Variants in MORN5 observed in about 807,000 individuals in gnomAD.
MORN5 encodes MORN repeat-containing protein 5.
In MORN5, 21 loss-of-function variants were observed where a neutral mutation model predicts 22.1. That is an observed-to-expected ratio of 0.95 (90% confidence interval 0.67 to 1.37). The LOEUF (loss-of-function observed/expected upper bound fraction) is 1.37. Among genes scored for constraint, MORN5 ranks in the 40% most tolerant of loss-of-function variants. The pLI, the probability that MORN5 is intolerant of heterozygous loss-of-function variation, is 0.00. For missense variants in MORN5, 211 were observed against 215.1 expected (o/e 0.98, Z 0.12); for synonymous variants, 73 against 74.0 (o/e 0.99, Z 0.07).
chr9:122,198,165 T>C (rs2118794011), intron 4 of MORN5, among the ~76,000 whole-genome samples: 1 of 152,156 alleles, frequency 6.6e-6, no homozygotes, highest in East Asian at 1.9e-4. Flanking sequence ...GTTACAAAGA[T>C]CCAATGAGAC....
intron 4 of MORN5, among the ~76,000 whole-genome samples, chr9:122,193,706 G>C (rs1829824991): frequency 6.6e-6 from 1 of 152,234 alleles, no homozygotes; most frequent in African/African-American, 2.4e-5. Flanking sequence ...AAAGTACCTT[G>C]GGTCTCTGTT....
intron 2 of MORN5, among the ~76,000 whole-genome samples, chr9:122,168,695 G>A (rs1311130934): frequency 6.6e-6 from 1 of 152,176 alleles, no homozygotes; most frequent in Non-Finnish European, 1.5e-5. Context: ...AAGGGCCGTG[G>A]CTGATGGCTC....
intron 3 of MORN5, among the ~76,000 whole-genome samples, chr9:122,172,709 G>A (rs538585521): frequency 6.6e-6 from 1 of 152,270 alleles, no homozygotes; most frequent in South Asian, 2.1e-4. Context: ...AGCAACATGA[G>A]GGCAGGGCCC....
chr9:122,184,693 A>G (rs1359323881), intron 4 of MORN5, among the ~76,000 whole-genome samples: 1 of 152,098 alleles, frequency 6.6e-6, no homozygotes, highest in African/African-American at 2.4e-5. Context: ...ATTTTATTTC[A>G]TTTTATTTAA....
intron 1 of MORN5, among the ~76,000 whole-genome samples, chr9:122,166,246 T>C (rs1829277623): frequency 6.6e-6 from 1 of 151,426 alleles, no homozygotes; most frequent in African/African-American, 2.5e-5. Context: ...GAGATTTGGG[T>C]GGGGACACAG....
intron 1 of MORN5, among the ~76,000 whole-genome samples, chr9:122,162,836 G>A (rs1829222550): frequency 6.6e-6 from 1 of 152,182 alleles, no homozygotes; most frequent in Admixed American, 6.5e-5. Context: ...CAGGGGCAAG[G>A]AGGAAGTATT....
At chr9:122,178,757 A>G (rs895053127) in intron 4 of MORN5, among the ~76,000 whole-genome samples, 1 of 152,166 alleles carries the variant, frequency 6.6e-6, no homozygotes, top group African/African-American at 2.4e-5. Context: ...GAAGGGTCCA[A>G]ACCCTTAGTG....
At chr9:122,188,538 C>T (rs574853289) in intron 4 of MORN5, among the ~76,000 whole-genome samples, 1 of 152,358 alleles carries the variant, frequency 6.6e-6, no homozygotes, top group Admixed American at 6.5e-5. Context: ...TTCGGTCCAT[C>T]GTCCACTTGC....
rs780288554 is a variant in MORN5, at chr9:122,166,802, G to A, written c.82G>A (p.Glu28Lys). Residue 28 changes from glutamate to lysine, a missense_variant, in exon 2 of 5, where the codon GAA becomes AAA. Coordinates refer to ENST00000373764, the MANE Select transcript of MORN5 (RefSeq NM_198469.4). ...CAAAGCCAAGTACATCCTCCCTACC[G>A]AAACAATATATGTTGGGGAAATGAA... Reference protein sequence around the residue: ...EGKAKYILPTETIYVGEMKDG... With the variant: ...EGKAKYILPTKTIYVGEMKDG... 67 of 1,613,600 alleles carry A rather than the reference G, an allele frequency of 4.2e-5. No individual in the cohort carries two copies. Among genetic ancestry groups the A allele is most frequent in the Middle Eastern group, 3.3e-4 (2 of 6,082 alleles).
chr9:122,186,512 A>C (rs975662682), intron 4 of MORN5, among the ~76,000 whole-genome samples: 1 of 152,180 alleles, frequency 6.6e-6, no homozygotes, highest in Non-Finnish European at 1.5e-5. Flanking sequence ...CCATCCATAC[A>C]GCCCTGTCAG....
chr9:122,165,459 C>A (rs1386453318), intron 1 of MORN5, among the ~76,000 whole-genome samples: 1 of 150,372 alleles, frequency 6.7e-6, no homozygotes, highest in African/African-American at 2.5e-5. Context: ...CCTGTGGTTC[C>A]AACTACTTGG....
intron 4 of MORN5, among the ~76,000 whole-genome samples, chr9:122,183,490 G>T (rs112664468): frequency 6.6e-6 from 1 of 152,120 alleles, no homozygotes; most frequent in Admixed American, 6.5e-5. Context: ...AAAAACCCTC[G>T]TAACCATTTT....
At position 122,166,788 on chromosome 9, in the gene MORN5, A is replaced by C; in HGVS notation, c.68A>C (p.Tyr23Ser). The C allele has an allele frequency of 6.2e-7, 1 of 1,613,792 alleles. No homozygotes were observed. Among genetic ancestry groups the C allele is most frequent in the South Asian group, 1.1e-5 (1 of 90,994 alleles). ...VDGRMEGKAK[Y>S]ILPTETIYVG... ...TACAGGATGGAGGGCAAAGCCAAGT[A>C]CATCCTCCCTACCGAAACAATATAT... Residue 23 changes from tyrosine (Y) to serine (S), a missense_variant, in exon 2 of 5, where the codon TAC (tyrosine) becomes TCC (serine). Transcript: ENST00000373764.
At chr9:122,163,268 T>C (rs1829229229) in intron 1 of MORN5, among the ~76,000 whole-genome samples, 1 of 152,160 alleles carries the variant, frequency 6.6e-6, no homozygotes, top group Non-Finnish European at 1.5e-5. Context: ...CAGGGACTCT[T>C]TGAGATAGAT....
intron 4 of MORN5, among the ~76,000 whole-genome samples, chr9:122,195,637 C>T (rs1250969770): frequency 6.6e-6 from 1 of 152,162 alleles, no homozygotes; most frequent in Non-Finnish European, 1.5e-5. Context: ...AGGGTCCAGA[C>T]TGTCACCACG....
chr9:122,174,856 A>G, intron 4 of MORN5: 7 of 1,350,996 alleles, frequency 5.2e-6, no homozygotes, highest in Non-Finnish European at 6.7e-6. Context: ...GTGACGGCAC[A>G]TAAATGTCGC....
chr9:122,169,933 G>A (rs1295117354), intron 3 of MORN5, among the ~76,000 whole-genome samples, 177 bp downstream of exon 3: 1 of 152,172 alleles, frequency 6.6e-6, no homozygotes, highest in Non-Finnish European at 1.5e-5. Flanking sequence ...TCATATCTCA[G>A]CTCCACTGTG....
intron 3 of MORN5, among the ~76,000 whole-genome samples, chr9:122,173,777 G>A (rs751062682): frequency 3.3e-5 from 5 of 152,160 alleles, no homozygotes; most frequent in Non-Finnish European, 7.4e-5. Context: ...CTCCCCTGAT[G>A]TTGGCAGCTG....
chr9:122,167,030 T>A, intron 2 of MORN5, 115 bp downstream of exon 2: 1 of 921,270 alleles, frequency 1.1e-6, no homozygotes, highest in Non-Finnish European at 1.5e-6. Flanking sequence ...TTCACTCTTC[T>A]CTTTGCTTCT....
Sources: gnomAD v4.1 joint callset for allele counts (sites outside exome capture counted in the v4.1 genomes callset) on GRCh38, gnomAD v4.1.1 for gene constraint, MANE v1.5 for transcripts, NCBI Gene and HGNC (gene_info 2026-07-23, HGNC 2026-07-21) for gene names.